PRKCE: variants seen among roughly 807,000 people sequenced by gnomAD.
PRKCE encodes protein kinase C epsilon type.
In PRKCE, 16 loss-of-function variants were observed where a neutral mutation model predicts 85.4. The observed-to-expected ratio is 0.19, with a 90% CI of 0.13 to 0.28. PRKCE has a LOEUF of 0.28. Ranked by LOEUF, PRKCE falls within the 10% of genes least tolerant of loss-of-function variation. The pLI, the probability that PRKCE is intolerant of heterozygous loss-of-function variation, is 1.00. For missense variants in PRKCE, 573 were observed against 975.2 expected (o/e 0.59, Z 5.49); for synonymous variants, 388 against 371.5 (o/e 1.04, Z -0.51).
intron 1 of PRKCE, among the ~76,000 whole-genome samples, chr2:45,770,430 T>C (rs577296053): frequency 2.0e-5 from 3 of 152,310 alleles, no homozygotes; most frequent in South Asian, 2.1e-4. Context: ...ATTTTTGAGA[T>C]AGGCTGTGAG....
At chr2:46,132,763 A>G (rs1033881194) in intron 11 of PRKCE, among the ~76,000 whole-genome samples, 1 of 152,246 alleles carries the variant, frequency 6.6e-6, no homozygotes, top group African/African-American at 2.4e-5. Context: ...CTTAAAGCAA[A>G]TACCTTCCAT....
chr2:45,899,064 A>T (rs1361420933), intron 2 of PRKCE, among the ~76,000 whole-genome samples: 1 of 152,238 alleles, frequency 6.6e-6, no homozygotes, highest in Admixed American at 6.5e-5. Context: ...CCAATAGGCC[A>T]TAGCGCCTTC....
In PRKCE at chr2:45,651,823, G is replaced by A. The variant is rs1675136708; in HGVS notation, c.-278G>A. On this transcript the variant is annotated 5_prime_UTR_variant, in exon 1 of 15. Transcript: ENST00000306156. ...CCGACAGCTCGTCTTCTCTTCTGGA[G>A]GTGCAGCTGGTGGTCGGGGGGAGAG... 1 of 324,020 alleles carries A rather than the reference G, an allele frequency of 3.1e-6. No homozygotes were observed. Among genetic ancestry groups the A allele is most frequent in the Non-Finnish European group, 5.7e-6 (1 of 175,286 alleles). The allele number at this position is 324,020 out of a possible 1,614,324, so 20.1% of individuals were successfully genotyped here. A position where few individuals can be genotyped will look rare whatever the true frequency, so the allele number is the denominator to read the frequency against.
chr2:45,759,039 T>C (rs1478799091), intron 1 of PRKCE, among the ~76,000 whole-genome samples: 1 of 152,178 alleles, frequency 6.6e-6, no homozygotes, highest in Non-Finnish European at 1.5e-5. Flanking sequence ...ACAGGGTGAT[T>C]GAATTTACAA....
chr2:45,666,052 A>T (rs1420423294), intron 1 of PRKCE, among the ~76,000 whole-genome samples: 1 of 152,170 alleles, frequency 6.6e-6, no homozygotes, highest in African/African-American at 2.4e-5. Flanking sequence ...CCCTGCCATT[A>T]GCCTGCTACA....
intron 6 of PRKCE, among the ~76,000 whole-genome samples, chr2:45,989,423 G>A (rs2104634398): frequency 6.6e-6 from 1 of 152,320 alleles, no homozygotes; most frequent in Non-Finnish European, 1.5e-5. Context: ...GCTAGGATTT[G>A]GAGGAGCTGT....
At position 45,901,825 on chromosome 2, in the gene PRKCE, T is replaced by C. The variant is rs1573809319; in HGVS notation, c.412+58762T>C. 2.0e-5 allele frequency among the ~76,000 whole-genome samples: 3 copies of C among 152,250 alleles called. No individual in the cohort carries two copies. In the East Asian group the frequency reaches 5.8e-4, roughly 29 times the overall value. On this transcript the variant is annotated intron_variant, in intron 2 of 14. Coordinates refer to ENST00000306156, the MANE Select transcript of PRKCE (RefSeq NM_005400.3). ...AGTCTGTACCGTGCTGGCCTTGGTT[T>C]GTGATGAAGCTCACACACGATGTCT... is the stretch of plus-strand genomic sequence containing the variant.
At chr2:45,921,611 CAGGG>C (rs1698255564) in intron 2 of PRKCE, among the ~76,000 whole-genome samples, 1 of 152,180 alleles carries the variant, frequency 6.6e-6, no homozygotes, top group Non-Finnish European at 1.5e-5. Context: ...GGTAAACTGA[CAGGG>C]TGACCAGAGC....
intron 6 of PRKCE, among the ~76,000 whole-genome samples, chr2:45,994,919 T>C (rs1158099564): frequency 6.6e-6 from 1 of 152,198 alleles, no homozygotes; most frequent in Admixed American, 6.5e-5. Context: ...AATAAAAAGT[T>C]CCTGTTGCTT....
rs1222387230 is a variant in PRKCE, at chr2:46,187,504, A to G, written c.*2623A>G. The G allele has an allele frequency of 6.6e-6, 1 of 152,344 alleles. No individual in the cohort carries two copies. The highest frequency in any genetic ancestry group is 6.6e-5 in the Admixed American group (1 of 15,168). 9.4% of individuals were successfully genotyped at this position (152,344 alleles called of 1,614,324 possible). On this transcript the variant is annotated 3_prime_UTR_variant, in exon 15 of 15. Coordinates refer to ENST00000306156, the MANE Select transcript of PRKCE (RefSeq NM_005400.3). ...GTTTGAAAATAGACACACTGTTAAC[A>G]CTTCTGCCAGTTTTTTCTGATCTTT...
chr2:45,861,486 A>T (rs1256220108), intron 2 of PRKCE, among the ~76,000 whole-genome samples: 1 of 152,130 alleles, frequency 6.6e-6, no homozygotes, highest in Non-Finnish European at 1.5e-5. Context: ...TTATATATAC[A>T]TACAATAGCA....
intron 11 of PRKCE, among the ~76,000 whole-genome samples, chr2:46,123,794 T>C (rs1454241608): frequency 6.6e-6 from 1 of 152,182 alleles, no homozygotes; most frequent in Admixed American, 6.5e-5. Flanking sequence ...CCAAGTTTTA[T>C]GTTGTATCTA....
intron 2 of PRKCE, among the ~76,000 whole-genome samples, chr2:45,856,263 C>T (rs138130156): frequency 1.3e-5 from 2 of 152,048 alleles, no homozygotes; most frequent in Non-Finnish European, 2.9e-5. Context: ...TAGAGTCTTA[C>T]TCTGTCACCC....
chr2:45,788,410 G>A (rs1174247006), intron 1 of PRKCE, among the ~76,000 whole-genome samples: 1 of 152,202 alleles, frequency 6.6e-6, no homozygotes, highest in East Asian at 1.9e-4. Flanking sequence ...ATACATCAAG[G>A]TGTTTGTCCC....
chr2:45,784,221 A>AG (rs1686415322), intron 1 of PRKCE, among the ~76,000 whole-genome samples: 2 of 152,288 alleles, frequency 1.3e-5, no homozygotes, highest in African/African-American at 4.8e-5. Flanking sequence ...GGCCTTGGCC[A>AG]GGATCCCAAG....
Position 46,093,300 on chromosome 2 carries a change from G to A in PRKCE, c.1592+6938G>A, listed in dbSNP as rs148671415. Reference sequence around the variant, plus strand: ...ACCAAAATTGTGGAATAACTCACCCGAGTTTACACAATGAGATAGTATAAA... The same window carrying A: ...ACCAAAATTGTGGAATAACTCACCCAAGTTTACACAATGAGATAGTATAAA... On this transcript the variant is annotated intron_variant, in intron 11 of 14. Coordinates refer to ENST00000306156, the MANE Select transcript of PRKCE (RefSeq NM_005400.3). 2.4e-3 allele frequency among the ~76,000 whole-genome samples: 359 copies of A among 152,066 alleles called. 1 individual carries two copies. The highest frequency in any genetic ancestry group is 9.8e-3 in the South Asian group (47 of 4,808).
At chr2:45,806,301 T>C (rs1688239374) in intron 1 of PRKCE, among the ~76,000 whole-genome samples, 1 of 152,230 alleles carries the variant, frequency 6.6e-6, no homozygotes, top group Non-Finnish European at 1.5e-5. Context: ...GTCCATGATA[T>C]GCATGTCAAT....
In PRKCE at chr2:46,159,154, A is replaced by G. The variant is rs2104575939; in HGVS notation, c.1921-452A>G. Among the ~76,000 whole-genome samples the G allele has an allele frequency of 6.6e-6, 1 of 152,318 alleles. No individual in the cohort carries two copies. The highest frequency in any genetic ancestry group is 1.5e-5 in the Non-Finnish European group (1 of 68,032). ...CTGGTCCTTATTCCTTATCTCAAAAAGGACCGTTGACCCCTCCATGTAAAT... is the reference window on the plus strand; with the variant it reads ...CTGGTCCTTATTCCTTATCTCAAAAGGGACCGTTGACCCCTCCATGTAAAT... On this transcript the variant is annotated intron_variant, in intron 13 of 14. Coordinates refer to ENST00000306156, the MANE Select transcript of PRKCE (RefSeq NM_005400.3). The surrounding 1 kb of genome is among the most constrained non-coding windows in gnomAD (Gnocchi z 4.1).
chr2:45,936,331 G>A (rs976696418), intron 2 of PRKCE, among the ~76,000 whole-genome samples: 14 of 152,128 alleles, frequency 9.2e-5, no homozygotes, highest in African/African-American at 2.7e-4. Flanking sequence ...TCAGGAACCC[G>A]TGCCCCAGCC....
Sources: allele counts gnomAD v4.1 joint callset (sites outside exome capture counted in the v4.1 genomes callset), GRCh38; gene constraint gnomAD v4.1.1; non-coding constraint Gnocchi (gnomAD v3.1); transcripts MANE v1.5; gene names NCBI Gene and HGNC (gene_info 2026-07-23, HGNC 2026-07-21).